Variants in NDE1 observed in about 807,000 individuals in gnomAD.
The protein encoded by NDE1 is nudE neurodevelopment protein 1.
Under a neutral mutation model 43.4 loss-of-function variants are expected in NDE1, and 28 were observed. That is an observed-to-expected ratio of 0.65 (90% CI 0.48 to 0.89). The LOEUF (loss-of-function observed/expected upper bound fraction) is 0.89, where lower values mean the gene tolerates loss of function less well. Ranked by LOEUF, NDE1 falls within the 40% of genes least tolerant of loss-of-function variation. The pLI, the probability that NDE1 is intolerant of heterozygous loss-of-function variation, is 0.00. For synonymous variants in NDE1, 184 were observed against 172.0 expected (o/e 1.07, Z -0.55); for missense variants, 441 against 434.1 (o/e 1.02, Z -0.14).
At chr16:15,722,871 G>A (rs926930906) in intron 8 of NDE1, among the ~76,000 whole-genome samples, 3 of 152,206 alleles carry the variant, frequency 2.0e-5, no homozygotes, top group African/African-American at 4.8e-5. Flanking sequence ...AGCTTCCAGA[G>A]TAGCAGGGAT....
At position 15,699,799 on chromosome 16, in the gene NDE1, G is replaced by C. The variant is rs554919084; in HGVS notation, c.947+2939G>C. 1,269 of 1,351,438 alleles carry C rather than the reference G, an allele frequency of 9.4e-4. 18 individuals carry two copies. The South Asian group carries it at 0.014, about 15-fold the overall frequency. 83.7% of individuals were successfully genotyped at this position (1,351,438 alleles called of 1,614,324 possible). On this transcript the variant is annotated intron_variant, in intron 8 of 8. Coordinates refer to ENST00000396354, the MANE Select transcript of NDE1 (RefSeq NM_017668.3). Reference sequence around the variant, plus strand: ...TTCATCGCCGCTGCCGTCAGCCCAGGGGGTAGTCAAGATGTTGCTTTAGGA... The same window carrying C: ...TTCATCGCCGCTGCCGTCAGCCCAGCGGGTAGTCAAGATGTTGCTTTAGGA...
intron 6 of NDE1, among the ~76,000 whole-genome samples, chr16:15,692,916 C>T (rs960908208): frequency 6.6e-6 from 1 of 151,802 alleles, no homozygotes; most frequent in South Asian, 2.1e-4. Context: ...TTCCACACTT[C>T]AATATGCATG....
chr16:15,677,944 C>T lies in NDE1; in HGVS notation c.381C>T (p.Ala127=). The change falls in exon 4 of 9, where the codon GCC becomes GCT. Residue 127 remains alanine (A), a synonymous_variant. Coordinates refer to ENST00000396354, the MANE Select transcript of NDE1 (RefSeq NM_017668.3). Reference sequence around the variant, plus strand: ...AAGCAAATGACGACCTGGAAAGAGCCAAGCGGTATGGGTGGAAGGGAAAAG... The same window carrying T: ...AAGCAAATGACGACCTGGAAAGAGCTAAGCGGTATGGGTGGAAGGGAAAAG... ...LEQANDDLER[A]KRATIMSLED... 2 of 1,613,980 alleles carry T rather than the reference C, an allele frequency of 1.2e-6. No individual in the cohort carries two copies. The highest frequency in any genetic ancestry group is 1.7e-6 in the Non-Finnish European group (2 of 1,180,012).
At chr16:15,704,985 G>A (rs1487961112) in intron 8 of NDE1, among the ~76,000 whole-genome samples, 1 of 152,102 alleles carries the variant, frequency 6.6e-6, no homozygotes, top group Non-Finnish European at 1.5e-5. Flanking sequence ...GGCCTTCAAG[G>A]TGGATTTAAA....
chr16:15,724,763 C>A lies in NDE1; in HGVS notation c.*512C>A, dbSNP rs139377348. On this transcript the variant is annotated 3_prime_UTR_variant, in exon 9 of 9. Coordinates refer to ENST00000396354, the MANE Select transcript of NDE1 (RefSeq NM_017668.3). Reference sequence around the variant, plus strand: ...TCCAGCTGGCGCAGCTTCGTAGACACGTTGAGCTTCTGCCGGGTTTCTTCT... The same window carrying A: ...TCCAGCTGGCGCAGCTTCGTAGACAAGTTGAGCTTCTGCCGGGTTTCTTCT... 15 of 1,614,124 alleles carry A rather than the reference C, an allele frequency of 9.3e-6. No individual in the cohort carries two copies. The highest frequency in any genetic ancestry group is 1.3e-5 in the African/African-American group (1 of 75,036).
intron 3 of NDE1, among the ~76,000 whole-genome samples, chr16:15,673,250 C>T (rs2037692124): frequency 6.6e-6 from 1 of 152,034 alleles, no homozygotes; most frequent in Non-Finnish European, 1.5e-5. Context: ...GTCTCTGTCA[C>T]CCAAGCTGGA....
chr16:15,705,146 T>C (rs1310714007), intron 8 of NDE1, among the ~76,000 whole-genome samples: 1 of 152,160 alleles, frequency 6.6e-6, no homozygotes, highest in Non-Finnish European at 1.5e-5. Flanking sequence ...CACGCCTGGC[T>C]AATTTTTGTA....
Position 15,665,452 on chromosome 16 carries a change from C to CT in NDE1, c.83+601dup, listed in dbSNP as rs1028153308. Among the ~76,000 whole-genome samples the CT allele has an allele frequency of 2.8e-3, 412 of 148,286 alleles. 5 individuals are homozygous for CT. Among genetic ancestry groups the CT allele is most frequent in the African/African-American group, 8.9e-3 (362 of 40,538 alleles). On this transcript the variant is annotated intron_variant, in intron 2 of 8. Transcript: ENST00000396354. ...TTTGTTTTCTTATTTTCTTTTTCTT[C>CT]TTTTTTTTTTGAGACAGAGTCTCAC...
chr16:15,721,425 C>G, intron 8 of NDE1: 1 of 1,614,112 alleles, frequency 6.2e-7, no homozygotes. Flanking sequence ...CACTTACGTT[C>G]TTGCCCACGT....
chr16:15,714,678 G>A (rs866836695), intron 8 of NDE1: 10 of 609,220 alleles, frequency 1.6e-5, no homozygotes, highest in East Asian at 1.1e-4. Flanking sequence ...GGAGACGGTC[G>A]ATCGTTAAAG....
chr16:15,678,960 C>T (rs912532533), intron 4 of NDE1, among the ~76,000 whole-genome samples: 34 of 151,944 alleles, frequency 2.2e-4, no homozygotes, highest in Non-Finnish European at 4.3e-4. Context: ...CCTGTAGTCC[C>T]AGCTAGTCGG....
At chr16:15,704,157 A>G in intron 8 of NDE1, 1 of 1,612,820 alleles carries the variant, frequency 6.2e-7, no homozygotes. Flanking sequence ...TATTTAGCAA[A>G]GAAATCTTCA....
upstream of NDE1, among the ~76,000 whole-genome samples, chr16:15,647,635 T>C (rs2036357189): frequency 6.6e-6 from 1 of 152,166 alleles, no homozygotes. Context: ...TTTCTGCTTA[T>C]AGATTTAGTA....
At chr16:15,656,491 A>T (rs1276072450) in intron 1 of NDE1, among the ~76,000 whole-genome samples, 1 of 152,074 alleles carries the variant, frequency 6.6e-6, no homozygotes, top group Non-Finnish European at 1.5e-5. Flanking sequence ...CCTGGCCAAG[A>T]TAACAGTGTT....
rs778056884 is a variant in NDE1 at position 15,696,715 on chromosome 16, G to T, written c.802G>T (p.Glu268Ter). 1.2e-6 allele frequency: 2 copies of T among 1,614,176 alleles called. No individual in the cohort carries two copies. Among genetic ancestry groups the T allele is most frequent in the South Asian group, 2.2e-5 (2 of 91,086 alleles). The change falls in exon 8 of 9, where the codon GAG (glutamate) becomes TAG (stop). Residue 268 changes from glutamate to a stop codon, truncating the protein, a stop_gained. Transcript: ENST00000396354. LOFTEE classifies it high-confidence loss of function. ...GDLLRKVGALESKLASCRNLV... is the reference protein window; with the variant it reads ...GDLLRKVGAL Reference sequence around the variant, plus strand: ...AAAGTGTATTTCTGTCCAGGCACTGGAGTCCAAACTCGCTTCCTGCCGGAA... The same window carrying T: ...AAAGTGTATTTCTGTCCAGGCACTGTAGTCCAAACTCGCTTCCTGCCGGAA...
intron 8 of NDE1, among the ~76,000 whole-genome samples, chr16:15,716,452 TA>T (rs2040146527): frequency 6.6e-6 from 1 of 152,168 alleles, no homozygotes; most frequent in Non-Finnish European, 1.5e-5. Context: ...ATTCGACCCA[TA>T]ATTAAGAAGG....
chr16:15,687,314 G>A lies in NDE1; in HGVS notation c.387-61G>A, dbSNP rs748536366. ...CTGACCCTTCGCACCTCCTGGATCC[G>A]CGGTGCTGGAGGGATGCTGCGGTTT... On this transcript the variant is annotated intron_variant, in intron 4 of 8. Transcript: ENST00000396354. 32 of 1,612,344 alleles carry A rather than the reference G, an allele frequency of 2.0e-5. No individual in the cohort carries two copies. In the Admixed American group the frequency reaches 2.2e-4, roughly 11 times the overall value.
At chr16:15,718,632 TC>T in intron 8 of NDE1, 1 of 800,674 alleles carries the variant, frequency 1.2e-6, no homozygotes, top group South Asian at 1.8e-5. Context: ...CGGGTCCGTG[TC>T]AGCAAAGCTG....
chr16:15,693,189 G>T (rs776403273), intron 6 of NDE1, among the ~76,000 whole-genome samples: 6 of 152,178 alleles, frequency 3.9e-5, no homozygotes, highest in Non-Finnish European at 7.4e-5. Context: ...ATTTTTAGTA[G>T]AAACAAGATT....
Sources: allele counts gnomAD v4.1 joint callset (sites outside exome capture counted in the v4.1 genomes callset), GRCh38; gene constraint gnomAD v4.1.1; transcripts MANE v1.5; gene names NCBI Gene and HGNC (gene_info 2026-07-23, HGNC 2026-07-21).